Variants in NUDT6 observed in about 807,000 individuals in gnomAD.
NUDT6 encodes nudix hydrolase 6.
In NUDT6, 24 loss-of-function variants were observed where a neutral mutation model predicts 36.8. The observed-to-expected ratio is 0.65, with a 90% CI of 0.47 to 0.92. The LOEUF is 0.92. NUDT6 is among the 40% of genes least tolerant of loss of function. The pLI is 0.00. For synonymous variants in NUDT6, 163 were observed against 157.0 expected (o/e 1.04, Z -0.29); for missense variants, 388 against 392.8 (o/e 0.99, Z 0.10).
At chr4:122,912,757 T>A in intron 2 of NUDT6, 134 bp from the exon 3 acceptor site, 1 of 620,498 alleles carries the variant, frequency 1.6e-6, no homozygotes, top group Admixed American at 3.0e-5. Context: ...GGTTGAGTAT[T>A]CCTTATCTAA....
intron 1 of NUDT6, chr4:122,918,342 C>T (rs1378523165): frequency 6.6e-6 from 1 of 152,244 alleles, no homozygotes; most frequent in Non-Finnish European, 1.5e-5. Context: ...ATTCTCTTTA[C>T]TACTTAAGAT....
intron 3 of NUDT6, among the ~76,000 whole-genome samples, chr4:122,907,449 C>CTTTTT (rs374300011): frequency 4.0e-5 from 5 of 125,394 alleles, no homozygotes; most frequent in South Asian, 2.6e-4. Context: ...TCTTTACTTT[C>CTTTTT]TTTTTTTTTT....
At chr4:122,906,974 G>A (rs1247150208) in intron 3 of NUDT6, among the ~76,000 whole-genome samples, 1 of 152,120 alleles carries the variant, frequency 6.6e-6, no homozygotes, top group Admixed American at 6.5e-5. Context: ...GGTCTAAAAC[G>A]GGGAGGAACC....
intron 2 of NUDT6, among the ~76,000 whole-genome samples, chr4:122,915,879 A>C (rs1028259765): frequency 3.3e-5 from 5 of 152,218 alleles, no homozygotes; most frequent in African/African-American, 1.2e-4. Context: ...CAGGGAAGTA[A>C]GACAGGGACA....
At chr4:122,899,944 T>G (rs1727477493) in intron 3 of NUDT6, among the ~76,000 whole-genome samples, 1 of 152,006 alleles carries the variant, frequency 6.6e-6, no homozygotes, top group African/African-American at 2.4e-5. Context: ...AGAGTTGCAG[T>G]AGCCACGGCC....
At chr4:122,898,814 CAGA>C (rs1727443795) in intron 3 of NUDT6, among the ~76,000 whole-genome samples, 1 of 152,078 alleles carries the variant, frequency 6.6e-6, no homozygotes, top group Admixed American at 6.6e-5. Flanking sequence ...GAAATATTCC[CAGA>C]AGGTTTATTT....
intron 2 of NUDT6, among the ~76,000 whole-genome samples, chr4:122,916,555 C>T (rs189352579): frequency 6.6e-6 from 1 of 152,290 alleles, no homozygotes; most frequent in East Asian, 1.9e-4. Flanking sequence ...CAATTCAGTG[C>T]TACTATTTGA....
Position 122,922,555 on chromosome 4 carries a change from G to C in NUDT6, c.18C>G (p.Ser6Arg). Residue 6 changes from serine (S) to arginine (R), a missense_variant, in exon 1 of 5, where the codon AGC becomes AGG. By Grantham distance (110) the Ser-to-Arg change is moderately radical (BLOSUM62 -1). Coordinates refer to ENST00000304430, the MANE Select transcript of NUDT6 (RefSeq NM_007083.5). The stretch of plus-strand genomic sequence containing the variant: ...CAAGCATCGCGCGCCAGCGGCCCCA[G>C]CTCAGTGGCTGCCGCATCTCCACGC... MRQPL[S>R]WGRWRAMLAR... 2 of 1,599,942 alleles carry C rather than the reference G, an allele frequency of 1.3e-6. No homozygotes were observed. The highest frequency in any genetic ancestry group is 1.7e-6 in the Non-Finnish European group (2 of 1,176,860).
At chr4:122,915,481 A>AAAC (rs1363864812) in intron 2 of NUDT6, among the ~76,000 whole-genome samples, 2 of 101,048 alleles carry the variant, frequency 2.0e-5, no homozygotes, top group African/African-American at 5.6e-5. Context: ...AAAAAAAAAA[A>AAAC]AAAAAAAAAA....
At chr4:122,904,770 T>C (rs1437116788) in intron 3 of NUDT6, among the ~76,000 whole-genome samples, 1 of 152,156 alleles carries the variant, frequency 6.6e-6, no homozygotes, top group Non-Finnish European at 1.5e-5. Context: ...TCACCTACTT[T>C]ATGACTTAAC....
intron 3 of NUDT6, among the ~76,000 whole-genome samples, chr4:122,902,638 A>G (rs1214484010): frequency 1.3e-5 from 2 of 152,212 alleles, no homozygotes; most frequent in Non-Finnish European, 2.9e-5. Flanking sequence ...CAGTGTATAC[A>G]GCAGAGTATG....
intron 3 of NUDT6, among the ~76,000 whole-genome samples, chr4:122,905,218 T>C (rs1421235222): frequency 6.6e-6 from 1 of 152,174 alleles, no homozygotes; most frequent in Non-Finnish European, 1.5e-5. Context: ...AAGTCCCCAC[T>C]CGATCTGGGA....
At position 122,922,344 on chromosome 4, in the gene NUDT6, C is replaced by T; in HGVS notation, c.229G>A (p.Gly77Ser). ...DRLDAAAFQK[G>S]LQAAVQQWRS... is the part of the protein sequence containing the mutation. ...TCCCAGGCGCACTTGCCCTGCAAGCCCTTCTGGAAGGCGGCAGCGTCCAGG... is the reference window on the plus strand; with the variant it reads ...TCCCAGGCGCACTTGCCCTGCAAGCTCTTCTGGAAGGCGGCAGCGTCCAGG... Residue 77 changes from glycine (G) to serine (S), a missense_variant, in exon 1 of 5, where the codon GGC becomes AGC. Coordinates refer to ENST00000304430, the MANE Select transcript of NUDT6 (RefSeq NM_007083.5). 1 of 1,600,684 alleles carries T rather than the reference C, an allele frequency of 6.2e-7. No homozygotes were observed. The highest frequency in any genetic ancestry group is 8.5e-7 in the Non-Finnish European group (1 of 1,178,590).
chr4:122,916,976 G>A (rs1727858361), intron 2 of NUDT6, among the ~76,000 whole-genome samples: 1 of 152,152 alleles, frequency 6.6e-6, no homozygotes, highest in Non-Finnish European at 1.5e-5. Flanking sequence ...ACGGCCTGGT[G>A]GGACAGAGCA....
intron 3 of NUDT6, among the ~76,000 whole-genome samples, chr4:122,908,485 T>A (rs1399596062): frequency 6.6e-6 from 1 of 152,216 alleles, no homozygotes. Flanking sequence ...TCTTTAAACA[T>A]CCTGCCTCTT....
At position 122,908,007 on chromosome 4, in the gene NUDT6, C is replaced by T. The variant is rs75157897; in HGVS notation, c.498+4561G>A. 4.2e-3 allele frequency among the ~76,000 whole-genome samples: 647 copies of T among 152,268 alleles called. 2 individuals are homozygous for T. The highest frequency in any genetic ancestry group is 7.6e-3 in the Non-Finnish European group (515 of 68,018). On this transcript the variant is annotated intron_variant, in intron 3 of 4. Transcript: ENST00000304430. ...TATCTCTCCAATTCATTTCTACTAA[C>T]AAAAAGCCTGGATCCTTTCCTCCTA...
chr4:122,907,741 G>C (rs943841232), intron 3 of NUDT6, among the ~76,000 whole-genome samples: 1 of 152,032 alleles, frequency 6.6e-6, no homozygotes, highest in Non-Finnish European at 1.5e-5. Context: ...GAGCCACTGC[G>C]CCCGGCCCCT....
chr4:122,909,900 G>T (rs1727698959), intron 3 of NUDT6, among the ~76,000 whole-genome samples: 1 of 152,192 alleles, frequency 6.6e-6, no homozygotes, highest in African/African-American at 2.4e-5. Context: ...GTGCCACTGT[G>T]GATTGAGTTT....
At position 122,922,433 on chromosome 4, in the gene NUDT6, T is replaced by G. The variant is rs200686698; in HGVS notation, c.140A>C (p.Gln47Pro). ...RNPPVGACDL[Q>P]GELDRFGGIS... is the part of the protein sequence containing the mutation. ...GCCCCCGAATCTGTCCAGCTCGCCC[T>G]GCAGATCGCACGCTCCAACTGGCGG... The change falls in exon 1 of 5, where the codon CAG (glutamine) becomes CCG (proline). Residue 47 changes from glutamine to proline, a missense_variant. Gln to Pro is a moderately conservative substitution (Grantham distance 76). Transcript: ENST00000304430. The G allele has an allele frequency of 3.8e-5, 62 of 1,611,142 alleles. No homozygotes were observed. The highest frequency in any genetic ancestry group is 3.4e-6 in the Non-Finnish European group (4 of 1,179,680).
Sources: allele counts gnomAD v4.1 joint callset (sites outside exome capture counted in the v4.1 genomes callset), GRCh38; gene constraint gnomAD v4.1.1; transcripts MANE v1.5; gene names NCBI Gene and HGNC (gene_info 2026-07-23, HGNC 2026-07-21).